CILP2: variants seen among roughly 807,000 people sequenced by gnomAD.
CILP2 encodes the protein cartilage intermediate layer protein 2, also known as CILP-2.
CILP2 carries 38 observed loss-of-function variants against 45.6 expected under a neutral mutation model. The ratio of observed to expected loss-of-function variants is 0.83; its 90% CI spans 0.64 to 1.09. CILP2 has a LOEUF of 1.09. CILP2 is among the 50% of genes least tolerant of loss of function. The pLI is 0.00. For synonymous variants in CILP2, 780 were observed against 723.5 expected, an observed-to-expected ratio of 1.08 and a Z score of -1.25; for missense variants, 1,735 against 1,662.2, an observed-to-expected ratio of 1.04 and a Z score of -0.76.
At position 19,545,573 on chromosome 19, in the gene CILP2, G is replaced by C. The variant is rs1332070607; in HGVS notation, c.3028G>C (p.Val1010Leu). ...CCAGCGGCAGGTGGACAGGACGCTG[G>C]TGACCATTATGCCCCAGGGCAGCTG... is the stretch of plus-strand genomic sequence containing the variant. The part of the protein sequence containing the change: ...FDQRQVDRTL[V>L]TIMPQGSCRR... The change falls in exon 8 of 8, where the codon GTG (valine) becomes CTG (leucine). Residue 1010 changes from valine to leucine, a missense_variant. Coordinates refer to ENST00000291495, the MANE Select transcript of CILP2 (RefSeq NM_153221.2). 6.2e-7 allele frequency: 1 copy of C among 1,611,300 alleles called. No individual in the cohort carries two copies. Among genetic ancestry groups the C allele is most frequent in the South Asian group, 1.1e-5 (1 of 90,954 alleles).
At chr19:19,538,682 CCTGGACCGAAGGGGTCGGAA>C (rs1489511111) in intron 1 of CILP2, among the ~76,000 whole-genome samples, 1 of 152,224 alleles carries the variant, frequency 6.6e-6, no homozygotes, top group Admixed American at 6.5e-5. Flanking sequence ...GGTCTCCCAC[CCTGGACCGAAGGGGTCGGAA>C]CTGGCCCCTC....
chr19:19,541,368 T>G, intron 4 of CILP2, 122 bp downstream of exon 4: 13 of 916,960 alleles, frequency 1.4e-5, no homozygotes, highest in Non-Finnish European at 1.9e-5. Flanking sequence ...AGGCAGTGCT[T>G]CTCCTGAGCG....
chr19:19,540,496 A>T lies in CILP2; in HGVS notation c.436+20A>T. On this transcript the variant is annotated intron_variant, in intron 3 of 7. Transcript: ENST00000291495. Reference sequence around the variant, plus strand: ...CACTAGGTGAGGGCGGGGCTGGATGACGGGGGCGGGGCTTTGAATGGGCGG... The same window carrying T: ...CACTAGGTGAGGGCGGGGCTGGATGTCGGGGGCGGGGCTTTGAATGGGCGG... 1 of 962,238 alleles carries T rather than the reference A, an allele frequency of 1.0e-6. No homozygotes were observed. Among genetic ancestry groups the T allele is most frequent in the South Asian group, 3.0e-5 (1 of 33,870 alleles). 59.6% of individuals were successfully genotyped at this position (962,238 alleles called of 1,614,324 possible).
At chr19:19,540,071 C>A in intron 2 of CILP2, 133 bp from the exon 3 acceptor site, 1 of 1,262,990 alleles carries the variant, frequency 7.9e-7, no homozygotes, top group Non-Finnish European at 1.0e-6. Flanking sequence ...AGGCCGCTGG[C>A]TCGGGTCGTG....
At chr19:19,543,550 A>G (rs1288135010) in intron 7 of CILP2, 131 bp from the exon 8 acceptor site, 1 of 1,347,562 alleles carries the variant, frequency 7.4e-7, no homozygotes, top group African/African-American at 1.4e-5. Flanking sequence ...TCTGAGCACC[A>G]ACCTTCAGTC....
chr19:19,544,678 G>T lies in CILP2; in HGVS notation c.2133G>T (p.Glu711Asp). 2 of 1,571,948 alleles carry T rather than the reference G, an allele frequency of 1.3e-6. No individual in the cohort carries two copies. The highest frequency in any genetic ancestry group is 1.7e-6 in the Non-Finnish European group (2 of 1,165,542). ...GSSGPRVRRE[E>D]RVFLVGNVEI... ...CGGGCCCCCGGGTGCGCCGGGAGGA[G>T]CGCGTCTTCCTGGTGGGCAACGTGG... is the stretch of plus-strand genomic sequence containing the variant. The change falls in exon 8 of 8, where the codon GAG (glutamate) becomes GAT (aspartate). Residue 711 changes from glutamate (E) to aspartate (D), a missense_variant. Coordinates refer to ENST00000291495, the MANE Select transcript of CILP2 (RefSeq NM_153221.2).
chr19:19,544,643 G>A lies in CILP2; in HGVS notation c.2098G>A (p.Glu700Lys), dbSNP rs771633215. The A allele has an allele frequency of 1.3e-6, 2 of 1,552,428 alleles. No individual in the cohort carries two copies. The highest frequency in any genetic ancestry group is 2.7e-5 in the African/African-American group (2 of 73,924). ...LWEEESGFRR[E>K]GSSGPRVRRE... Reference sequence around the variant, plus strand: ...GGAGGAGGAGAGCGGCTTCCGGCGCGAGGGGTCCTCGGGCCCCCGGGTGCG... The same window carrying A: ...GGAGGAGGAGAGCGGCTTCCGGCGCAAGGGGTCCTCGGGCCCCCGGGTGCG... The change falls in exon 8 of 8, where the codon GAG (glutamate) becomes AAG (lysine). Residue 700 changes from glutamate (E) to lysine (K), a missense_variant. Physicochemically the swap from Glu to Lys is moderately conservative, Grantham distance 56 (BLOSUM62 1). Coordinates refer to ENST00000291495, the MANE Select transcript of CILP2 (RefSeq NM_153221.2).
At position 19,546,483 on chromosome 19, in the gene CILP2, G is replaced by A. The variant is rs892476826; in HGVS notation, c.*467G>A. 1.3e-4 allele frequency: 20 copies of A among 153,386 alleles called. No individual in the cohort carries two copies. Among genetic ancestry groups the A allele is most frequent in the Non-Finnish European group, 2.3e-4 (16 of 68,742 alleles). 9.5% of individuals were successfully genotyped at this position (153,386 alleles called of 1,614,324 possible). On this transcript the variant is annotated 3_prime_UTR_variant, in exon 8 of 8. Transcript: ENST00000291495. ...AAACAAAGTGTGGGGAGCTGGTTGT[G>A]GGTGTGAGTGGGGGTGTGGGGTCCA...
Position 19,539,680 on chromosome 19 carries a change from C to G in CILP2, c.66C>G (p.Asp22Glu), listed in dbSNP as rs773143828. ...CTTCTCCCCACTCCTCACCCACAGACGCCACCCCCACCGAGGAGCCAATGG... is the reference window on the plus strand; with the variant it reads ...CTTCTCCCCACTCCTCACCCACAGAGGCCACCCCCACCGAGGAGCCAATGG... ...VVAAHLAGAR[D>E]ATPTEEPMAT... The change falls in exon 2 of 8, where the codon GAC becomes GAG. Residue 22 changes from aspartate (D) to glutamate (E), a missense_variant and splice_region_variant. Coordinates refer to ENST00000291495, the MANE Select transcript of CILP2 (RefSeq NM_153221.2). 3.2e-6 allele frequency: 5 copies of G among 1,580,924 alleles called. No homozygotes were observed. The highest frequency in any genetic ancestry group is 4.3e-6 in the Non-Finnish European group (5 of 1,162,024).
chr19:19,545,008 C>T lies in CILP2; in HGVS notation c.2463C>T (p.Ala821=). ...ATLGGEELEP[A]PSLPRPLPAT... is the part of the protein sequence containing the mutation. ...TGGGCGGCGAGGAGCTGGAGCCGGC[C>T]CCTTCCTTGCCCCGCCCACTCCCGG... Residue 821 remains alanine, a synonymous_variant, in exon 8 of 8, where the codon GCC becomes GCT. Coordinates refer to ENST00000291495, the MANE Select transcript of CILP2 (RefSeq NM_153221.2). 1 of 1,603,308 alleles carries T rather than the reference C, an allele frequency of 6.2e-7. No individual in the cohort carries two copies. Among genetic ancestry groups the T allele is most frequent in the African/African-American group, 1.3e-5 (1 of 74,980 alleles).
In CILP2 at chr19:19,543,985, G is replaced by T. The variant is rs756848097; in HGVS notation, c.1440G>T (p.Val480=). 1.9e-6 allele frequency: 3 copies of T among 1,613,212 alleles called. No individual in the cohort carries two copies. The highest frequency in any genetic ancestry group is 2.5e-6 in the Non-Finnish European group (3 of 1,179,780). ...GGGGGCTGGTCCGGGGCCGTGTTGTGGCTGCTGACTCCGGGGAGCCGCTAC... is the reference window on the plus strand; with the variant it reads ...GGGGGCTGGTCCGGGGCCGTGTTGTTGCTGCTGACTCCGGGGAGCCGCTAC... ...PPRGLVRGRV[V]AADSGEPLRF... is the part of the protein sequence containing the mutation. Residue 480 remains valine (V), a synonymous_variant, in exon 8 of 8, where the codon GTG becomes GTT. Transcript: ENST00000291495.
rs112118952 is a variant in CILP2 at position 19,540,653 on chromosome 19, G to A, written c.436+177G>A. 4.8e-5 allele frequency: 36 copies of A among 757,730 alleles called. 1 individual carries two copies. Among genetic ancestry groups the A allele is most frequent in the African/African-American group, 3.9e-4 (21 of 53,942 alleles). 46.9% of individuals were successfully genotyped at this position (757,730 alleles called of 1,614,324 possible). A position where few individuals can be genotyped will look rare whatever the true frequency, so the allele number is the denominator to read the frequency against. ...GACGTCAGGGGGCGGGGCCAGGCAG[G>A]GCGGGGCTTTTGAAGAGAGGCGCTG... On this transcript the variant is annotated intron_variant, in intron 3 of 7. Coordinates refer to ENST00000291495, the MANE Select transcript of CILP2 (RefSeq NM_153221.2).
In CILP2 at chr19:19,544,135, GT is replaced by G; in HGVS notation, c.1592del (p.Phe531SerfsTer77). On this transcript the variant is annotated frameshift_variant, in exon 8 of 8. Coordinates refer to ENST00000291495, the MANE Select transcript of CILP2 (RefSeq NM_153221.2). LOFTEE classifies it low-confidence loss of function (END_TRUNC). ...TGACTTTTGTGGACCCCAGCGGTGAGTTCATGGACGCTGTCCGGGTCTTGCC... is the reference window on the plus strand; with the variant it reads ...TGACTTTTGTGGACCCCAGCGGTGAGTCATGGACGCTGTCCGGGTCTTGCC... ...VVTFVDPSGEFMDAVRVLPFD... is the reference protein window; with the variant it reads ...VVTFVDPSGEXMDAVRVLPFD... 6.2e-7 allele frequency: 1 copy of G among 1,613,930 alleles called. No individual in the cohort carries two copies. The highest frequency in any genetic ancestry group is 1.3e-5 in the African/African-American group (1 of 75,070).
chr19:19,540,118 G>A, intron 2 of CILP2, 86 bp from the exon 3 acceptor site: 2 of 1,411,738 alleles, frequency 1.4e-6, no homozygotes, highest in Non-Finnish European at 1.8e-6. Flanking sequence ...CGGGGGAGGG[G>A]GCTGAGACAG....
Position 19,545,529 on chromosome 19 carries a change from G to T in CILP2, c.2984G>T (p.Cys995Phe). Residue 995 changes from cysteine to phenylalanine, a missense_variant, in exon 8 of 8, where the codon TGC (cysteine) becomes TTC (phenylalanine). Cys to Phe is a radical substitution (Grantham distance 205). Coordinates refer to ENST00000291495, the MANE Select transcript of CILP2 (RefSeq NM_153221.2). Reference sequence around the variant, plus strand: ...TCGGCAGCCTGCGTGGAGTTCAAGTGCAGCGGGATGCTGTTCGACCAGCGG... The same window carrying T: ...TCGGCAGCCTGCGTGGAGTTCAAGTTCAGCGGGATGCTGTTCGACCAGCGG... Reference protein sequence around the residue: ...GTSAACVEFKCSGMLFDQRQV... With the variant: ...GTSAACVEFKFSGMLFDQRQV... The T allele has an allele frequency of 6.2e-7, 1 of 1,612,580 alleles. No homozygotes were observed. The highest frequency in any genetic ancestry group is 1.3e-5 in the African/African-American group (1 of 75,068).
In CILP2 at chr19:19,543,829, C is replaced by T. The variant is rs2061252951; in HGVS notation, c.1284C>T (p.Pro428=). ...GCCCCAGCCTGGCAGGCTCCAGCCC[C>T]CGCTGCGGGGACGCCAGCTCCCGCT... ...TRCPSLAGSS[P]RCGDASSRCC... is the part of the protein sequence containing the mutation. Residue 428 remains proline, a synonymous_variant, in exon 8 of 8, where the codon CCC becomes CCT. Transcript: ENST00000291495. 2.5e-6 allele frequency: 4 copies of T among 1,613,834 alleles called. No homozygotes were observed. Among genetic ancestry groups the T allele is most frequent in the Non-Finnish European group, 3.4e-6 (4 of 1,179,896 alleles).
At position 19,544,445 on chromosome 19, in the gene CILP2, C is replaced by T; in HGVS notation, c.1900C>T (p.Leu634=). 1 of 1,609,536 alleles carries T rather than the reference C, an allele frequency of 6.2e-7. No individual in the cohort carries two copies. Among genetic ancestry groups the T allele is most frequent in the Non-Finnish European group, 8.5e-7 (1 of 1,179,696 alleles). ...DLRFVDSDGE[L]APLRTYGMFS... ...GCGCTTCGTGGACAGCGACGGCGAGCTGGCTCCACTGCGCACCTACGGCAT... is the reference window on the plus strand; with the variant it reads ...GCGCTTCGTGGACAGCGACGGCGAGTTGGCTCCACTGCGCACCTACGGCAT... Residue 634 remains leucine, a synonymous_variant, in exon 8 of 8, where the codon CTG becomes TTG. Transcript: ENST00000291495.
rs763214029 is a variant in CILP2 at position 19,545,993 on chromosome 19, C to T, written c.3448C>T (p.Arg1150Cys). 2.1e-5 allele frequency: 31 copies of T among 1,501,492 alleles called. No homozygotes were observed. Among genetic ancestry groups the T allele is most frequent in the Admixed American group, 1.5e-4 (7 of 45,414 alleles). 93.0% of individuals were successfully genotyped at this position (1,501,492 alleles called of 1,614,324 possible). The change falls in exon 8 of 8, where the codon CGC (arginine) becomes TGC (cysteine). Residue 1150 changes from arginine to cysteine, a missense_variant. Coordinates refer to ENST00000291495, the MANE Select transcript of CILP2 (RefSeq NM_153221.2). ...QARASGPLRT[R>C]RGRVRQ ...CCGGGCCTCAGGTCCCCTCCGCACC[C>T]GCCGGGGTAGGGTCCGGCAGTGACC...
rs999940334 is a variant in CILP2, at chr19:19,544,753, C to T, written c.2208C>T (p.Arg736=). ...LFNLDVPERR[R]CFVKVRAYAN... ...ATCTGGACGTGCCTGAGCGCCGCCGCTGCTTCGTGAAGGTGCGCGCCTACG... is the reference window on the plus strand; with the variant it reads ...ATCTGGACGTGCCTGAGCGCCGCCGTTGCTTCGTGAAGGTGCGCGCCTACG... The change falls in exon 8 of 8, where the codon CGC becomes CGT. Residue 736 remains arginine, a synonymous_variant. Coordinates refer to ENST00000291495, the MANE Select transcript of CILP2 (RefSeq NM_153221.2). 1 of 1,606,474 alleles carries T rather than the reference C, an allele frequency of 6.2e-7. No homozygotes were observed.
Sources: gnomAD v4.1 joint callset for allele counts (sites outside exome capture counted in the v4.1 genomes callset) on GRCh38, gnomAD v4.1.1 for gene constraint, MANE v1.5 for transcripts, NCBI Gene and HGNC (gene_info 2026-07-23, HGNC 2026-07-21) for gene names.